Variants in ALPL observed in about 807,000 individuals in gnomAD.
The protein encoded by ALPL is alkaline phosphatase, tissue-nonspecific isozyme.
Under a neutral mutation model 51.3 loss-of-function variants are expected in ALPL, and 42 were observed. The observed-to-expected ratio is 0.82, with a 90% CI of 0.64 to 1.06. The LOEUF is 1.06. ALPL is among the 50% of genes least tolerant of loss of function. The pLI is 0.00. For synonymous variants in ALPL, 279 were observed against 296.4 expected (o/e 0.94, Z 0.60); for missense variants, 589 against 709.4 (o/e 0.83, Z 1.93).
intron 1 of ALPL, among the ~76,000 whole-genome samples, chr1:21,549,989 G>A (rs1644300514): frequency 6.6e-6 from 1 of 152,178 alleles, no homozygotes. Context: ...GTGTCTTCAT[G>A]ACTGGGCAAC....
chr1:21,545,553 AG>A (rs1320656639), intron 1 of ALPL, among the ~76,000 whole-genome samples: 2 of 151,936 alleles, frequency 1.3e-5, no homozygotes, highest in Non-Finnish European at 2.9e-5. Context: ...AGCCTCCCAA[AG>A]TGCTGGGATT....
intron 1 of ALPL, among the ~76,000 whole-genome samples, chr1:21,515,289 C>T (rs1643773265): frequency 6.6e-6 from 1 of 152,164 alleles, no homozygotes; most frequent in Admixed American, 6.5e-5. Context: ...TGTTGCTCAG[C>T]CTGGGTTCAA....
chr1:21,552,508 CTT>C (rs1644345650), intron 1 of ALPL, among the ~76,000 whole-genome samples: 2 of 151,200 alleles, frequency 1.3e-5, no homozygotes, highest in Non-Finnish European at 2.9e-5. Context: ...AAGAAAAAAT[CTT>C]TTTCCTTTGA....
intron 1 of ALPL, among the ~76,000 whole-genome samples, chr1:21,541,583 G>C (rs1644185405): frequency 6.6e-6 from 1 of 152,250 alleles, no homozygotes; most frequent in Admixed American, 6.5e-5. Flanking sequence ...CAGCTCCCTA[G>C]GAGCTCACCA....
rs1397669293 is a variant in ALPL, at chr1:21,576,654, G to A, written c.1309+13G>A. The A allele has an allele frequency of 6.2e-7, 1 of 1,613,438 alleles. No homozygotes were observed. Among genetic ancestry groups the A allele is most frequent in the Non-Finnish European group, 8.5e-7 (1 of 1,179,598 alleles). On this transcript the variant is annotated intron_variant, in intron 11 of 11. Transcript: ENST00000374840. ...ATGGTGGACTATGGTGAGACCTCCA[G>A]GACCCAGGGCTGGGAGGGGACAGGG...
Position 21,554,031 on chromosome 1 carries a change from C to T in ALPL, c.-51C>T, listed in dbSNP as rs753110554. 8.0e-6 allele frequency: 11 copies of T among 1,374,334 alleles called. No individual in the cohort carries two copies. The highest frequency in any genetic ancestry group is 4.3e-4 in the Middle Eastern group (2 of 4,666). 85.1% of individuals were successfully genotyped at this position (1,374,334 alleles called of 1,614,324 possible). ...CTGCCAGCCCACCCCCTCCCACCCA[C>T]GTCGATTGCATCTCTGGGCTCCAGG... On this transcript the variant is annotated 5_prime_UTR_variant, in exon 2 of 12. It adds an upstream start codon to the 5' untranslated region. Coordinates refer to ENST00000374840, the MANE Select transcript of ALPL (RefSeq NM_000478.6).
At chr1:21,574,281 G>A in intron 9 of ALPL, 1 of 881,378 alleles carries the variant, frequency 1.1e-6, no homozygotes, top group Non-Finnish European at 1.4e-6. Flanking sequence ...TCTGTTATGT[G>A]AAGCCAAAAA....
rs1341203975 is a variant in ALPL, at chr1:21,575,770, C to G, written c.1035C>G (p.Ala345=). The change falls in exon 10 of 12, where the codon GCC becomes GCG. Residue 345 remains alanine, a synonymous_variant. Transcript: ENST00000374840. ...ACCACGGGCACCATGAAGGAAAAGC[C>G]AAGCAGGCCCTGCATGAGGCGGTGG... The part of the protein sequence containing the change: ...RIDHGHHEGK[A]KQALHEAVEM... The G allele has an allele frequency of 1.2e-6, 2 of 1,614,172 alleles. No individual in the cohort carries two copies. The highest frequency in any genetic ancestry group is 1.1e-5 in the South Asian group (1 of 91,078).
At chr1:21,569,378 A>G (rs1012342208) in intron 7 of ALPL, among the ~76,000 whole-genome samples, 1 of 152,218 alleles carries the variant, frequency 6.6e-6, no homozygotes, top group African/African-American at 2.4e-5. Flanking sequence ...CACATTGGGT[A>G]TCAGGTCCCG....
In ALPL at chr1:21,564,894, T is replaced by A. The variant is rs1229064876; in HGVS notation, c.648+678T>A. Among the ~76,000 whole-genome samples the A allele has an allele frequency of 1.3e-5, 2 of 152,188 alleles. No individual in the cohort carries two copies. Among genetic ancestry groups the A allele is most frequent in the Non-Finnish European group, 2.9e-5 (2 of 68,024 alleles). On this transcript the variant is annotated intron_variant, in intron 6 of 11. Transcript: ENST00000374840. This position sits in a 1 kb window ranked among gnomAD's most constrained non-coding sequence, Gnocchi z 5.8. ...ACGCAGGAGCCACATGTCCTTGCCC[T>A]GAAACACACTTCAACAAACTGAGCT...
chr1:21,517,140 G>A (rs1643816114), intron 1 of ALPL, among the ~76,000 whole-genome samples: 2 of 152,160 alleles, frequency 1.3e-5, no homozygotes, highest in South Asian at 4.1e-4. Flanking sequence ...TCGAGGTGTG[G>A]TTTCCACTGA....
intron 4 of ALPL, 150 bp from the exon 5 acceptor site, chr1:21,562,959 TG>T: frequency 5.8e-6 from 6 of 1,035,580 alleles, no homozygotes; most frequent in South Asian, 1.4e-5. Flanking sequence ...CCTGTGGCTC[TG>T]GGGGGCTTCA....
chr1:21,524,039 T>G (rs1643911042), intron 1 of ALPL, among the ~76,000 whole-genome samples: 2 of 139,752 alleles, frequency 1.4e-5, no homozygotes, highest in Admixed American at 7.8e-5. Context: ...AGTCTCGCTC[T>G]GTCGCCCAGG....
At chr1:21,554,885 CTTTTTCTT>C (rs1644390400) in intron 2 of ALPL, among the ~76,000 whole-genome samples, 1 of 133,198 alleles carries the variant, frequency 7.5e-6, no homozygotes. Context: ...CTCTTTCTTT[CTTTTTCTT>C]TCTTTCTTTC....
chr1:21,520,529 T>G (rs1341341925), intron 1 of ALPL, among the ~76,000 whole-genome samples: 1 of 144,230 alleles, frequency 6.9e-6, no homozygotes, highest in Non-Finnish European at 1.5e-5. Flanking sequence ...GTGCAGTGGC[T>G]TGATCTTGGC....
At chr1:21,560,803 G>C in intron 3 of ALPL, 58 bp downstream of exon 3, 1 of 1,606,576 alleles carries the variant, frequency 6.2e-7, no homozygotes, top group Non-Finnish European at 8.5e-7. Context: ...GGAGCCCCGG[G>C]AGCCAGGCTG....
At chr1:21,574,238 A>T in intron 9 of ALPL, 1 of 983,662 alleles carries the variant, frequency 1.0e-6, no homozygotes, top group Non-Finnish European at 1.2e-6. Context: ...TGGCGCTGCC[A>T]TCTGCTGGCG....
rs747222706 is a variant in ALPL, at chr1:21,577,673, A to T, written c.*25A>T. The T allele has an allele frequency of 6.3e-7, 1 of 1,588,254 alleles. No homozygotes were observed. The highest frequency in any genetic ancestry group is 1.1e-5 in the South Asian group (1 of 89,420). On this transcript the variant is annotated 3_prime_UTR_variant, in exon 12 of 12. Coordinates refer to ENST00000374840, the MANE Select transcript of ALPL (RefSeq NM_000478.6). ...AGGGCCCAGGGCCCGGGCACCCACAAGCCCGTGACAGATGCCAACTTCCCA... is the reference window on the plus strand; with the variant it reads ...AGGGCCCAGGGCCCGGGCACCCACATGCCCGTGACAGATGCCAACTTCCCA...
At chr1:21,572,007 A>G (rs1197859620) in intron 8 of ALPL, among the ~76,000 whole-genome samples, 3 of 151,588 alleles carry the variant, frequency 2.0e-5, no homozygotes, top group Admixed American at 2.0e-4. Context: ...AAAAGAAAGA[A>G]AGAAAACATT....
Sources: gnomAD v4.1 joint callset for allele counts (sites outside exome capture counted in the v4.1 genomes callset) on GRCh38, gnomAD v4.1.1 for gene constraint, Gnocchi (gnomAD v3.1) non-coding constraint, MANE v1.5 for transcripts, NCBI Gene and HGNC (gene_info 2026-07-23, HGNC 2026-07-21) for gene names.